ADK: variants seen among roughly 807,000 people sequenced by gnomAD.
The protein encoded by ADK is N6,N6-dimethyladenosine kinase.
ADK carries 24 observed loss-of-function variants against 44.7 expected under a neutral mutation model. That is an observed-to-expected ratio of 0.54 (90% CI 0.39 to 0.76). The LOEUF (loss-of-function observed/expected upper bound fraction) is 0.76, where lower values mean the gene tolerates loss of function less well. Ranked by LOEUF, ADK falls within the 30% of genes least tolerant of loss-of-function variation. The pLI, the probability that ADK is intolerant of heterozygous loss-of-function variation, is 0.00. For synonymous variants in ADK, 128 were observed against 142.6 expected (o/e 0.90, Z 0.73); for missense variants, 321 against 425.1 (o/e 0.76, Z 2.15).
chr10:74,245,502 AT>A (rs1845381110), intron 3 of ADK, among the ~76,000 whole-genome samples: 1 of 151,630 alleles, frequency 6.6e-6, no homozygotes, highest in Non-Finnish European at 1.5e-5. Context: ...GACCCTATAT[AT>A]TTTTTATATA....
intron 7 of ADK, among the ~76,000 whole-genome samples, chr10:74,528,774 CAACAT>C (rs1849165010): frequency 6.6e-6 from 1 of 152,108 alleles, no homozygotes; most frequent in Non-Finnish European, 1.5e-5. Context: ...AAAAGATGCT[CAACAT>C]AACCATTCAA....
chr10:74,173,247 C>G (rs1308283949), intron 1 of ADK, among the ~76,000 whole-genome samples: 2 of 150,766 alleles, frequency 1.3e-5, no homozygotes, highest in East Asian at 3.9e-4. Context: ...CCCGCCACCA[C>G]GCCCGGCTAA....
chr10:74,248,607 G>A (rs1403282643), intron 3 of ADK, among the ~76,000 whole-genome samples: 1 of 152,096 alleles, frequency 6.6e-6, no homozygotes, highest in Non-Finnish European at 1.5e-5. Context: ...GCCTGCCTTG[G>A]CCTCCCAAAG....
chr10:74,300,161 G>T (rs116808802), intron 3 of ADK, among the ~76,000 whole-genome samples: 1 of 150,804 alleles, frequency 6.6e-6, no homozygotes, highest in Non-Finnish European at 1.5e-5. Flanking sequence ...TGGGATTATA[G>T]GTGTGAGCCA....
At chr10:74,586,854 C>CA (rs35038709) in intron 7 of ADK, among the ~76,000 whole-genome samples, 1,217 of 106,442 alleles carry the variant, frequency 0.011, 5 homozygotes, top group Non-Finnish European at 0.016. Flanking sequence ...AGCTCTGTCT[C>CA]AAAAAAAAAA....
At chr10:74,583,606 A>G (rs1851439426) in intron 7 of ADK, among the ~76,000 whole-genome samples, 1 of 151,958 alleles carries the variant, frequency 6.6e-6, no homozygotes, top group Non-Finnish European at 1.5e-5. Flanking sequence ...GCATGTCTCA[A>G]ATTCCTGGAC....
At chr10:74,464,387 A>AT (rs1846275326) in intron 6 of ADK, among the ~76,000 whole-genome samples, 1 of 151,200 alleles carries the variant, frequency 6.6e-6, no homozygotes, top group Non-Finnish European at 1.5e-5. Flanking sequence ...ATCTCTATTA[A>AT]TTTAAAAAAA....
intron 2 of ADK, among the ~76,000 whole-genome samples, chr10:74,204,503 A>G (rs548012610): frequency 6.6e-6 from 1 of 152,280 alleles, no homozygotes; most frequent in South Asian, 2.1e-4. Context: ...TCAAATGTCA[A>G]AGGGTAAGGC....
chr10:74,472,891 C>G (rs1222779901), intron 6 of ADK, among the ~76,000 whole-genome samples: 1 of 152,090 alleles, frequency 6.6e-6, no homozygotes, highest in African/African-American at 2.4e-5. Context: ...TTTTAGATGT[C>G]ATAATTTTAG....
rs1589375666 is a variant in ADK, at chr10:74,694,208, T to G, written c.965-14113T>G. Among the ~76,000 whole-genome samples the G allele has an allele frequency of 4.2e-5, 6 of 144,472 alleles. No homozygotes were observed. In the East Asian group the frequency reaches 7.9e-4, roughly 19 times the overall value. The allele number at this position is 144,472 out of a possible 152,430, so 94.8% of individuals were successfully genotyped here. A position where few individuals can be genotyped will look rare whatever the true frequency, so the allele number is the denominator to read the frequency against. The stretch of plus-strand genomic sequence containing the variant: ...TAAACATGTTTCTAAATGTACTTCT[T>G]GGATCTGACTAAAGACTAAAAATGG... On this transcript the variant is annotated intron_variant, in intron 10 of 10. Transcript: ENST00000539909.
At chr10:74,375,973 T>C (rs974288546) in intron 4 of ADK, among the ~76,000 whole-genome samples, 2 of 152,096 alleles carry the variant, frequency 1.3e-5, no homozygotes, top group African/African-American at 4.8e-5. Context: ...TTTCTTTTTT[T>C]CCCTGAAAAT....
At chr10:74,560,758 G>A (rs1850432258) in intron 7 of ADK, among the ~76,000 whole-genome samples, 1 of 152,242 alleles carries the variant, frequency 6.6e-6, no homozygotes, top group South Asian at 2.1e-4. Flanking sequence ...TTAGATAAAA[G>A]CCAAATCACA....
chr10:74,306,936 T>C (rs1052496195), intron 3 of ADK, among the ~76,000 whole-genome samples: 2 of 152,228 alleles, frequency 1.3e-5, no homozygotes, highest in African/African-American at 4.8e-5. Context: ...AATGATCTTT[T>C]GTTTTAGGTT....
At chr10:74,477,447 A>G (rs1414628853) in intron 6 of ADK, among the ~76,000 whole-genome samples, 1 of 152,116 alleles carries the variant, frequency 6.6e-6, no homozygotes, top group Admixed American at 6.5e-5. Flanking sequence ...GGCTCACGTG[A>G]TCTACCTGCC....
chr10:74,503,095 A>G (rs572644598), intron 6 of ADK, among the ~76,000 whole-genome samples: 12 of 152,326 alleles, frequency 7.9e-5, no homozygotes, highest in African/African-American at 2.9e-4. Context: ...TCAGAGGTCA[A>G]CAAAGTATGG....
At chr10:74,668,507 C>T (rs1480148629) in intron 9 of ADK, among the ~76,000 whole-genome samples, 1 of 152,170 alleles carries the variant, frequency 6.6e-6, no homozygotes, top group African/African-American at 2.4e-5. Context: ...GAGGCTGAGG[C>T]AGTCAGATCA....
chr10:74,646,836 A>G (rs928275878), intron 9 of ADK, among the ~76,000 whole-genome samples: 1 of 152,168 alleles, frequency 6.6e-6, no homozygotes, highest in Admixed American at 6.6e-5. Context: ...AATGTGAAAA[A>G]CAGTGGGTGC....
intron 1 of ADK, among the ~76,000 whole-genome samples, chr10:74,199,249 A>C (rs141558498): frequency 2.6e-5 from 4 of 152,248 alleles, no homozygotes; most frequent in African/African-American, 9.6e-5. Context: ...GGTATATCAT[A>C]TGATACTGAA....
chr10:74,401,820 A>C (rs1466895162), intron 6 of ADK, among the ~76,000 whole-genome samples: 1 of 152,166 alleles, frequency 6.6e-6, no homozygotes, highest in Non-Finnish European at 1.5e-5. Flanking sequence ...TAGTTGATGC[A>C]GTTTCTTCCT....
Sources: gnomAD v4.1 joint callset for allele counts (sites outside exome capture counted in the v4.1 genomes callset) on GRCh38, gnomAD v4.1.1 for gene constraint, MANE v1.5 for transcripts, NCBI Gene and HGNC (gene_info 2026-07-23, HGNC 2026-07-21) for gene names.